The following ASB2 variants were observed in gnomAD, a reference collection of about 807,000 sequenced individuals.
ASB2 encodes ankyrin repeat and SOCS box containing 2.
In ASB2, 58 loss-of-function variants were observed where a neutral mutation model predicts 62.4. That is an observed-to-expected ratio of 0.93 (90% CI 0.75 to 1.16). The LOEUF is 1.16. ASB2 is among the 50% of genes most tolerant of loss of function. The pLI is 0.00. For synonymous variants in ASB2, 386 were observed against 385.3 expected, an observed-to-expected ratio of 1.00 and a Z score of -0.02; for missense variants, 928 against 887.9, an observed-to-expected ratio of 1.05 and a Z score of -0.57.
At chr14:93,965,530 C>A (rs1889561938) in intron 1 of ASB2, among the ~76,000 whole-genome samples, 1 of 152,194 alleles carries the variant, frequency 6.6e-6, no homozygotes, top group Non-Finnish European at 1.5e-5. Context: ...GAGTAATAGA[C>A]TCCAGTTGGG....
intron 2 of ASB2, among the ~76,000 whole-genome samples, chr14:93,959,478 A>G (rs561136580): frequency 7.2e-5 from 11 of 152,284 alleles, no homozygotes; most frequent in African/African-American, 2.4e-4. Flanking sequence ...GCTCTCGCCA[A>G]TCAAGGCTGG....
chr14:93,957,002 C>G (rs574787594), intron 2 of ASB2, 132 bp from the exon 3 acceptor site: 4 of 1,544,208 alleles, frequency 2.6e-6, no homozygotes, highest in Non-Finnish European at 3.5e-6. Flanking sequence ...GGGCTCTGAA[C>G]CAAAGCAGAT....
intron 1 of ASB2, among the ~76,000 whole-genome samples, chr14:93,972,612 C>T (rs758887412): frequency 1.3e-5 from 2 of 152,220 alleles, no homozygotes; most frequent in Non-Finnish European, 2.9e-5. Context: ...CCCTCTGACA[C>T]AACATTAAGG....
At chr14:93,970,393 GT>G (rs2141321360) in intron 1 of ASB2, among the ~76,000 whole-genome samples, 1 of 152,224 alleles carries the variant, frequency 6.6e-6, no homozygotes, top group Non-Finnish European at 1.5e-5. Flanking sequence ...TGCCCTGAAG[GT>G]GCCCTTCCAG....
rs188517793 is a variant in ASB2 at position 93,972,196 on chromosome 14, A to G, written c.-74+4238T>C. Among the ~76,000 whole-genome samples the G allele has an allele frequency of 7.7e-3, 1,169 of 151,652 alleles. 10 individuals carry two copies. The highest frequency in any genetic ancestry group is 0.031 in the Middle Eastern group (9 of 292). On this transcript the variant is annotated intron_variant, in intron 1 of 9. Transcript: ENST00000555019. The stretch of plus-strand genomic sequence containing the variant: ...CTAGCCTGGGGACACACGAGGAGTC[A>G]GGAACTGGGCTGTTCCTTGGCACCC...
chr14:93,936,605 C>T (rs1567017573), intron 9 of ASB2, among the ~76,000 whole-genome samples: 2 of 152,266 alleles, frequency 1.3e-5, no homozygotes, highest in Non-Finnish European at 2.9e-5. Flanking sequence ...GGCTTCAATT[C>T]AAGTGGCTTC....
At position 93,959,607 on chromosome 14, in the gene ASB2, C is replaced by A. The variant is rs142309346; in HGVS notation, c.207-2737G>T. Among the ~76,000 whole-genome samples, 1,184 of 152,250 alleles carry A rather than the reference C, an allele frequency of 7.8e-3. 11 individuals carry two copies. The highest frequency in any genetic ancestry group is 0.027 in the Middle Eastern group (8 of 294). On this transcript the variant is annotated intron_variant, in intron 2 of 9. Transcript: ENST00000555019. ...GGCAGGATGTGGGTGTAGGTCATGC[C>A]CTGGAAGAGCCCCAGGTAGGGCCTC...
intron 1 of ASB2, chr14:93,969,905 C>G (rs1889710544): frequency 6.6e-6 from 1 of 152,250 alleles, no homozygotes; most frequent in Admixed American, 6.5e-5. Flanking sequence ...CAGGCAAATC[C>G]ACTCAGAGCA....
intron 6 of ASB2, among the ~76,000 whole-genome samples, chr14:93,948,677 A>G (rs754306626): frequency 3.3e-5 from 5 of 151,308 alleles, no homozygotes; most frequent in Admixed American, 6.5e-5. Flanking sequence ...TCACACTTGT[A>G]ATCCCAGCAC....
chr14:93,949,913 C>G (rs111779532), intron 6 of ASB2, among the ~76,000 whole-genome samples: 2,663 of 152,276 alleles, frequency 0.017, 75 homozygotes, highest in African/African-American at 0.06. Context: ...ATGTTCCCCA[C>G]TGCTCAGGCG....
intron 2 of ASB2, among the ~76,000 whole-genome samples, chr14:93,958,104 C>T (rs1475833457): frequency 6.6e-6 from 1 of 152,216 alleles, no homozygotes; most frequent in Non-Finnish European, 1.5e-5. Context: ...GCTCACCCCT[C>T]TGCTTCATGC....
Position 93,956,831 on chromosome 14 carries a change from T to G in ASB2, c.246A>C (p.Pro82=). ...APPESSPARA[P]MGLFQGVMQK... is the part of the protein sequence containing the mutation. ...GCATGACCCCTTGGAACAAGCCCATTGGGGCCCGGGCCGGCGAACTCTCAG... is the reference window on the plus strand; with the variant it reads ...GCATGACCCCTTGGAACAAGCCCATGGGGGCCCGGGCCGGCGAACTCTCAG... Residue 82 remains proline (P), a synonymous_variant, in exon 3 of 10, where the codon CCA becomes CCC. Coordinates refer to ENST00000555019, the MANE Select transcript of ASB2 (RefSeq NM_001202429.2). 1 of 1,614,044 alleles carries G rather than the reference T, an allele frequency of 6.2e-7. No individual in the cohort carries two copies. The highest frequency in any genetic ancestry group is 8.5e-7 in the Non-Finnish European group (1 of 1,179,974).
At chr14:93,939,052 C>CGT (rs1567018834) in intron 8 of ASB2, 56 bp downstream of exon 8, 2 of 1,373,116 alleles carry the variant, frequency 1.5e-6, no homozygotes, top group East Asian at 2.9e-5. Context: ...TGCGCGCGCG[C>CGT]GTCCCTGGGC....
chr14:93,940,402 G>A (rs1319869391), intron 7 of ASB2: 3 of 152,252 alleles, frequency 2.0e-5, no homozygotes, highest in Non-Finnish European at 4.4e-5. Context: ...GGGAACCAGG[G>A]TGTGTGCCCT....
At chr14:93,935,683 G>T (rs1013055814) in intron 9 of ASB2, among the ~76,000 whole-genome samples, 2 of 152,224 alleles carry the variant, frequency 1.3e-5, no homozygotes, top group Non-Finnish European at 2.9e-5. Flanking sequence ...GGCTGGAGGG[G>T]CAGGTGGGAT....
At chr14:93,971,912 G>T (rs1365104560) in intron 1 of ASB2, among the ~76,000 whole-genome samples, 1 of 151,492 alleles carries the variant, frequency 6.6e-6, no homozygotes, top group Non-Finnish European at 1.5e-5. Context: ...GTGTGTGTGT[G>T]TATGTGTGTT....
intron 3 of ASB2, 109 bp from the exon 4 acceptor site, chr14:93,954,592 G>T (rs1747319483): frequency 3.0e-6 from 3 of 999,536 alleles, no homozygotes; most frequent in South Asian, 1.5e-5. Context: ...CGTCCCTGCT[G>T]GTTCCAGGAT....
At chr14:93,956,623 C>T (rs1369685113) in intron 3 of ASB2, 143 bp downstream of exon 3, 1 of 1,130,066 alleles carries the variant, frequency 8.8e-7, no homozygotes, top group African/African-American at 1.5e-5. Context: ...CAGGGGGGCA[C>T]CCCTAGAAGG....
intron 5 of ASB2, among the ~76,000 whole-genome samples, chr14:93,952,584 G>A (rs1486350774): frequency 1.3e-5 from 2 of 152,248 alleles, no homozygotes; most frequent in African/African-American, 2.4e-5. Context: ...TTAGAATGTA[G>A]TAGTTGAGGG....
Sources: gnomAD v4.1 joint callset for allele counts (sites outside exome capture counted in the v4.1 genomes callset) on GRCh38, gnomAD v4.1.1 for gene constraint, MANE v1.5 for transcripts, NCBI Gene and HGNC (gene_info 2026-07-23, HGNC 2026-07-21) for gene names.